The following SCAI variants were observed in gnomAD, a reference collection of about 807,000 sequenced individuals.
SCAI encodes the protein suppressor of cancer cell invasion, also known as protein SCAI.
Under a neutral mutation model 92.2 loss-of-function variants are expected in SCAI, and 24 were observed. The observed-to-expected ratio is 0.26, with a 90% CI of 0.19 to 0.37. The LOEUF is 0.37. Ranked by LOEUF, SCAI falls within the 10% of genes least tolerant of loss-of-function variation. The pLI, the probability that SCAI is intolerant of heterozygous loss-of-function variation, is 1.00. For missense variants in SCAI, 450 were observed against 736.2 expected (o/e 0.61, Z 4.50); for synonymous variants, 261 against 258.6 (o/e 1.01, Z -0.09).
intron 9 of SCAI, among the ~76,000 whole-genome samples, chr9:125,012,068 T>C (rs1045113294): frequency 3.3e-5 from 5 of 152,214 alleles, no homozygotes; most frequent in African/African-American, 1.2e-4. Flanking sequence ...TACTAGCCAC[T>C]GCAAAATCAT....
chr9:125,012,870 G>C (rs1832669366), intron 9 of SCAI, among the ~76,000 whole-genome samples: 1 of 152,078 alleles, frequency 6.6e-6, no homozygotes, highest in Non-Finnish European at 1.5e-5. Context: ...TCAGGATTAA[G>C]AAACTCACTC....
intron 17 of SCAI, among the ~76,000 whole-genome samples, chr9:124,971,066 C>G (rs866806231): frequency 3.1e-4 from 47 of 152,204 alleles, no homozygotes; most frequent in South Asian, 2.3e-3. Context: ...CCACCAGCTT[C>G]GACCTCCCAA....
At chr9:124,958,927 A>G (rs1831376333) in intron 17 of SCAI, among the ~76,000 whole-genome samples, 3 of 151,464 alleles carry the variant, frequency 2.0e-5, no homozygotes, top group Non-Finnish European at 4.4e-5. Context: ...AAAAGAACAA[A>G]CAAAAAAACA....
intron 2 of SCAI, chr9:125,066,050 C>A (rs1564399292): frequency 1.3e-6 from 1 of 767,410 alleles, no homozygotes. Flanking sequence ...ATCACCAGAA[C>A]CTCTGATACT....
At chr9:125,071,226 C>T (rs1833973354) in intron 2 of SCAI, among the ~76,000 whole-genome samples, 1 of 152,020 alleles carries the variant, frequency 6.6e-6, no homozygotes, top group Non-Finnish European at 1.5e-5. Flanking sequence ...AAGACTCTAT[C>T]TCTATAAAAA....
intron 10 of SCAI, 46 bp downstream of exon 10, chr9:125,003,423 G>T: frequency 1.5e-6 from 2 of 1,297,466 alleles, no homozygotes; most frequent in Non-Finnish European, 2.2e-6. Flanking sequence ...CAGGAGAGAC[G>T]CAGCCAGAGG....
At chr9:125,031,934 G>A (rs2131091939) in intron 3 of SCAI, among the ~76,000 whole-genome samples, 1 of 151,994 alleles carries the variant, frequency 6.6e-6, no homozygotes, top group South Asian at 2.1e-4. Flanking sequence ...ATTTAGGGTT[G>A]CCAGATAAAA....
intron 2 of SCAI, among the ~76,000 whole-genome samples, chr9:125,123,967 A>G (rs775868476): frequency 8.5e-5 from 13 of 152,194 alleles, no homozygotes; most frequent in Non-Finnish European, 1.8e-4. Flanking sequence ...AGAAACCCCA[A>G]ATGCAAAATA....
At chr9:125,102,508 A>G (rs1174829420) in intron 2 of SCAI, among the ~76,000 whole-genome samples, 1 of 151,652 alleles carries the variant, frequency 6.6e-6, no homozygotes, top group African/African-American at 2.4e-5. Context: ...CCACAACTTC[A>G]CCATCAGCTA....
intron 7 of SCAI, among the ~76,000 whole-genome samples, chr9:125,019,744 G>C (rs1832831737): frequency 6.6e-6 from 1 of 152,084 alleles, no homozygotes; most frequent in Admixed American, 6.6e-5. Context: ...AGGTAGAAAA[G>C]GAGAACAGAG....
At chr9:124,953,670 C>T (rs1264317457) in intron 17 of SCAI, among the ~76,000 whole-genome samples, 2 of 152,084 alleles carry the variant, frequency 1.3e-5, no homozygotes, top group African/African-American at 2.4e-5. Context: ...GCCTCAGCCT[C>T]CCAAAGTGTT....
intron 2 of SCAI, among the ~76,000 whole-genome samples, chr9:125,104,737 CTCAAAACCCTTTGTTTG>C (rs1834741677): frequency 6.6e-6 from 1 of 151,278 alleles, no homozygotes; most frequent in Non-Finnish European, 1.5e-5. Context: ...CTCCATCTTT[CTCAAAACCCTTTGTTTG>C]TCAAAAAACA....
At chr9:125,033,083 AG>A (rs1180814621) in intron 3 of SCAI, among the ~76,000 whole-genome samples, 1 of 146,050 alleles carries the variant, frequency 6.8e-6, no homozygotes, top group Non-Finnish European at 1.5e-5. Context: ...ACTGAATAAA[AG>A]TAATAAGGAG....
intron 3 of SCAI, among the ~76,000 whole-genome samples, chr9:125,042,225 A>G (rs1446534170): frequency 1.3e-5 from 2 of 152,180 alleles, no homozygotes; most frequent in Non-Finnish European, 2.9e-5. Flanking sequence ...AAAGTATGAC[A>G]CTAATCTCTC....
intron 9 of SCAI, among the ~76,000 whole-genome samples, chr9:125,015,643 C>G (rs1443853551): frequency 6.6e-6 from 1 of 152,090 alleles, no homozygotes; most frequent in African/African-American, 2.4e-5. Flanking sequence ...GGATCTAGAA[C>G]TAGAAATACC....
chr9:125,129,129 T>C (rs749965404), intron 2 of SCAI, among the ~76,000 whole-genome samples: 1 of 151,672 alleles, frequency 6.6e-6, no homozygotes, highest in Non-Finnish European at 1.5e-5. Context: ...TTTCTGGAAG[T>C]ATTCCAGCTA....
intron 2 of SCAI, among the ~76,000 whole-genome samples, chr9:125,129,398 G>A (rs186166296): frequency 6.9e-5 from 10 of 145,206 alleles, no homozygotes; most frequent in African/African-American, 2.5e-4. Context: ...CCGAGATCAC[G>A]CAGACTCCAA....
At chr9:124,961,765 GC>G (rs1831440633) in intron 17 of SCAI, among the ~76,000 whole-genome samples, 1 of 151,612 alleles carries the variant, frequency 6.6e-6, no homozygotes, top group African/African-American at 2.4e-5. Context: ...GGGATGCTGA[GC>G]CCCCTCCCTA....
chr9:125,084,518 A>G (rs1384126061), intron 2 of SCAI, among the ~76,000 whole-genome samples: 2 of 152,004 alleles, frequency 1.3e-5, no homozygotes, highest in Non-Finnish European at 2.9e-5. Context: ...CAGAGACAAC[A>G]ATCCAGATGC....
Sources: gnomAD v4.1 joint callset for allele counts (sites outside exome capture counted in the v4.1 genomes callset) on GRCh38, gnomAD v4.1.1 for gene constraint, MANE v1.5 for transcripts, NCBI Gene and HGNC (gene_info 2026-07-23, HGNC 2026-07-21) for gene names.